LARGE1: variants seen among roughly 807,000 people sequenced by gnomAD.
The protein encoded by LARGE1 is xylosyl- and glucuronyltransferase LARGE1.
In LARGE1, 43 loss-of-function variants were observed where a neutral mutation model predicts 87.6. That is an observed-to-expected ratio of 0.49 (90% CI 0.38 to 0.63). The LOEUF (loss-of-function observed/expected upper bound fraction) is 0.63. Among genes scored for constraint, LARGE1 ranks in the 30% least tolerant of loss-of-function variants. The pLI is 0.00. For synonymous variants in LARGE1, 434 were observed against 394.6 expected, an observed-to-expected ratio of 1.10 and a Z score of -1.18; for missense variants, 802 against 1,000.2, an observed-to-expected ratio of 0.80 and a Z score of 2.67.
chr22:33,188,348 G>A (rs902912606), intron 11 of LARGE1, among the ~76,000 whole-genome samples: 2 of 151,952 alleles, frequency 1.3e-5, no homozygotes, highest in African/African-American at 2.4e-5. Context: ...ATTTTGAACC[G>A]GGTCAATTCT....
At chr22:33,744,510 G>A (rs1038176584) in intron 2 of LARGE1, among the ~76,000 whole-genome samples, 12 of 152,204 alleles carry the variant, frequency 7.9e-5, no homozygotes, top group African/African-American at 2.9e-4. Context: ...TGGCTCCTCT[G>A]TGTCTTCCTA....
intron 9 of LARGE1, among the ~76,000 whole-genome samples, chr22:33,364,889 T>A (rs1401584060): frequency 1.3e-5 from 2 of 151,582 alleles, no homozygotes; most frequent in Non-Finnish European, 2.9e-5. Context: ...GAGACGGGGG[T>A]CTTACTATGT....
intron 6 of LARGE1, among the ~76,000 whole-genome samples, chr22:33,486,899 A>G (rs574319410): frequency 6.6e-6 from 1 of 152,328 alleles, no homozygotes; most frequent in South Asian, 2.1e-4. Flanking sequence ...CACATTTAGA[A>G]GAATATATCT....
chr22:33,121,395 T>C, the LARGE1 span, among the ~76,000 whole-genome samples: 1 of 151,600 alleles, frequency 6.6e-6, no homozygotes, highest in Non-Finnish European at 1.5e-5. Flanking sequence ...TCTTTTAGGG[T>C]TAAGAATGCC....
At chr22:33,635,045 G>C (rs570988156) in intron 3 of LARGE1, among the ~76,000 whole-genome samples, 1 of 152,028 alleles carries the variant, frequency 6.6e-6, no homozygotes, top group East Asian at 1.9e-4. Context: ...TTGAACCCGG[G>C]AGGTGGGGGC....
intron 10 of LARGE1, among the ~76,000 whole-genome samples, chr22:33,327,728 G>A (rs1937362967): frequency 6.6e-6 from 1 of 152,120 alleles, no homozygotes; most frequent in African/African-American, 2.4e-5. Context: ...TTTTCACAGA[G>A]ACGAGGTCTC....
chr22:33,605,645 T>C (rs2079231906), intron 4 of LARGE1, among the ~76,000 whole-genome samples: 1 of 152,200 alleles, frequency 6.6e-6, no homozygotes, highest in Non-Finnish European at 1.5e-5. Context: ...AGTCAAGAAC[T>C]ACTAGCATAA....
At chr22:33,339,153 A>AT (rs1491402815) in intron 9 of LARGE1, among the ~76,000 whole-genome samples, 1 of 139,612 alleles carries the variant, frequency 7.2e-6, no homozygotes, top group African/African-American at 3.1e-5. Flanking sequence ...GTCTCAAAAA[A>AT]TAAAAAAAAA....
chr22:33,600,473 G>A (rs543172595), intron 5 of LARGE1, among the ~76,000 whole-genome samples: 3 of 152,286 alleles, frequency 2.0e-5, no homozygotes, highest in African/African-American at 7.2e-5. Context: ...AAATGTATGT[G>A]ATTCTAGGAG....
At chr22:33,766,483 T>C (rs1379097890) in intron 1 of LARGE1, among the ~76,000 whole-genome samples, 1 of 152,190 alleles carries the variant, frequency 6.6e-6, no homozygotes, top group East Asian at 1.9e-4. Flanking sequence ...TGGAGTGCAA[T>C]GTCGTGATCT....
chr22:33,915,722 G>C lies in LARGE1; in HGVS notation c.-83+4273C>G, dbSNP rs530918656. Among the ~76,000 whole-genome samples the C allele has an allele frequency of 9.8e-5, 15 of 152,288 alleles. No homozygotes were observed. The South Asian group carries it at 1.0e-3, about 11-fold the overall frequency. On this transcript the variant is annotated intron_variant, in intron 1 of 14. Transcript: ENST00000397394. ...CTCGCAACCATTCTTGCCACTATTT[G>C]AATACACAGAGCAAGAAGCGGGGGC...
At chr22:33,187,227 A>G (rs187299139) in intron 11 of LARGE1, among the ~76,000 whole-genome samples, 20 of 152,362 alleles carry the variant, frequency 1.3e-4, no homozygotes, top group South Asian at 1.2e-3. Context: ...TAGTCAAGAT[A>G]TGGAATCAAA....
At chr22:33,699,994 C>T (rs1250036072) in intron 2 of LARGE1, among the ~76,000 whole-genome samples, 1 of 152,158 alleles carries the variant, frequency 6.6e-6, no homozygotes, top group Non-Finnish European at 1.5e-5. Context: ...TTGCAGGTTC[C>T]GATGCAACCA....
intron 1 of LARGE1, among the ~76,000 whole-genome samples, chr22:33,880,750 A>G (rs889704387): frequency 2.0e-5 from 3 of 152,152 alleles, no homozygotes; most frequent in African/African-American, 7.2e-5. Context: ...AAAAAAATTC[A>G]TATGGATATT....
At chr22:33,811,888 C>G (rs1017189281) in intron 1 of LARGE1, among the ~76,000 whole-genome samples, 7 of 152,100 alleles carry the variant, frequency 4.6e-5, no homozygotes, top group African/African-American at 1.4e-4. Flanking sequence ...GGGAGCCCAG[C>G]CCAGAACTGT....
At chr22:33,098,514 G>A in the LARGE1 span, among the ~76,000 whole-genome samples, 1 of 152,166 alleles carries the variant, frequency 6.6e-6, no homozygotes, top group Admixed American at 6.5e-5. Flanking sequence ...CCAGCTACTC[G>A]GGAGGCTGAG....
chr22:33,369,323 A>T (rs1431001131), intron 9 of LARGE1, among the ~76,000 whole-genome samples: 1 of 152,192 alleles, frequency 6.6e-6, no homozygotes, highest in Non-Finnish European at 1.5e-5. Context: ...ATAGAATGGG[A>T]TTCTCCCACA....
intron 2 of LARGE1, among the ~76,000 whole-genome samples, chr22:33,694,709 G>A (rs1233176562): frequency 6.6e-6 from 1 of 152,082 alleles, no homozygotes; most frequent in Non-Finnish European, 1.5e-5. Flanking sequence ...GAGAAGGTGT[G>A]GAGAGACAGG....
chr22:33,567,843 G>A (rs751781330), intron 5 of LARGE1, among the ~76,000 whole-genome samples: 1 of 152,122 alleles, frequency 6.6e-6, no homozygotes, highest in African/African-American at 2.4e-5. Flanking sequence ...GCTTCCATCT[G>A]TAAGTGAGAA....
Sources: gnomAD v4.1 joint callset for allele counts (sites outside exome capture counted in the v4.1 genomes callset) on GRCh38, gnomAD v4.1.1 for gene constraint, MANE v1.5 for transcripts, NCBI Gene and HGNC (gene_info 2026-07-23, HGNC 2026-07-21) for gene names.